The following HSPH1 variants were observed in gnomAD, a reference collection of about 807,000 sequenced individuals.
The protein encoded by HSPH1 is heat shock protein 105 kDa.
In HSPH1, 40 loss-of-function variants were observed where a neutral mutation model predicts 100.0. That is an observed-to-expected ratio of 0.40 (90% CI 0.31 to 0.52). The LOEUF is 0.52. Among genes scored for constraint, HSPH1 ranks in the 20% least tolerant of loss-of-function variants. HSPH1 has a pLI of 0.54. For synonymous variants in HSPH1, 403 were observed against 344.0 expected (o/e 1.17, Z -1.90); for missense variants, 876 against 1,015.1 (o/e 0.86, Z 1.86).
chr13:31,154,839 T>G, intron 3 of HSPH1, 84 bp from the exon 4 acceptor site: 3 of 1,114,688 alleles, frequency 2.7e-6, no homozygotes, highest in Non-Finnish European at 3.9e-6. Flanking sequence ...TTAGCACACA[T>G]TCCCTTCCAC....
At position 31,161,556 on chromosome 13, in the gene HSPH1, G is replaced by T; in HGVS notation, c.27C>A (p.Gly9=). The T allele has an allele frequency of 1.2e-6, 2 of 1,613,746 alleles. No individual in the cohort carries two copies. Among genetic ancestry groups the T allele is most frequent in the Non-Finnish European group, 8.5e-7 (1 of 1,179,900 alleles). Residue 9 remains glycine, a synonymous_variant, in exon 1 of 18, where the codon GGC becomes GGA. Transcript: ENST00000320027. The part of the protein sequence containing the change: MSVVGLDV[G]SQSCYIAVAR... ...CTACCGCGATGTAGCAGCTCTGCGA[G>T]CCCACGTCCAACCCCACCACCGACA...
chr13:31,143,729 G>A (rs1489183110), intron 12 of HSPH1, 63 bp downstream of exon 12: 2 of 1,356,144 alleles, frequency 1.5e-6, no homozygotes, highest in Non-Finnish European at 2.0e-6. Flanking sequence ...GCAATTTAAT[G>A]ATATCATTAA....
At chr13:31,156,907 A>C (rs1386778121) in intron 2 of HSPH1, among the ~76,000 whole-genome samples, 1 of 152,152 alleles carries the variant, frequency 6.6e-6, no homozygotes, top group African/African-American at 2.4e-5. Context: ...TTTTAGGTAA[A>C]CTCTAGATTG....
At chr13:31,156,455 T>C (rs1012874335) in intron 2 of HSPH1, among the ~76,000 whole-genome samples, 10 of 152,114 alleles carry the variant, frequency 6.6e-5, no homozygotes, top group African/African-American at 1.4e-4. Context: ...TCCCAGCTAA[T>C]TGAGAGGCTG....
At chr13:31,149,031 T>C (rs773813776) in intron 8 of HSPH1, among the ~76,000 whole-genome samples, 63 of 152,176 alleles carry the variant, frequency 4.1e-4, no homozygotes, top group Admixed American at 1.6e-3. Context: ...TTAAGCTAAA[T>C]AGACCAAAAA....
rs756130512 is a variant in HSPH1 at position 31,137,065 on chromosome 13, A to T, written c.*253T>A. The stretch of plus-strand genomic sequence containing the variant: ...AAGTCAGTTTCATCCTCAGTGATGC[A>T]AATGGTGAGACTGCACAGAAAGCTT... On this transcript the variant is annotated 3_prime_UTR_variant, in exon 18 of 18. Transcript: ENST00000320027. 5.2e-5 allele frequency: 33 copies of T among 634,410 alleles called. No homozygotes were observed. Among genetic ancestry groups the T allele is most frequent in the South Asian group, 4.9e-4 (32 of 65,622 alleles). The allele number at this position is 634,410 out of a possible 1,614,324, so 39.3% of individuals were successfully genotyped here. A position where few individuals can be genotyped will look rare whatever the true frequency, so the allele number is the denominator to read the frequency against.
At chr13:31,156,215 C>G (rs1956684970) in intron 2 of HSPH1, among the ~76,000 whole-genome samples, 1 of 152,096 alleles carries the variant, frequency 6.6e-6, no homozygotes, top group Non-Finnish European at 1.5e-5. Flanking sequence ...ACGGTGAAAC[C>G]CCGTCTCTAC....
intron 13 of HSPH1, 193 bp downstream of exon 13, chr13:31,140,929 T>A (rs1184342266): frequency 7.4e-6 from 3 of 402,796 alleles, no homozygotes; most frequent in African/African-American, 6.2e-5. Flanking sequence ...TCATGTTATA[T>A]CAAGCAGAAA....
chr13:31,157,306 T>C (rs564324067), intron 2 of HSPH1, among the ~76,000 whole-genome samples: 5 of 152,340 alleles, frequency 3.3e-5, no homozygotes, highest in African/African-American at 1.2e-4. Context: ...TTGTTACAAC[T>C]AAAGTCCCAC....
chr13:31,151,122 A>G lies in HSPH1; in HGVS notation c.733T>C (p.Cys245Arg). 1 of 1,613,644 alleles carries G rather than the reference A, an allele frequency of 6.2e-7. No individual in the cohort carries two copies. Among genetic ancestry groups the G allele is most frequent in the South Asian group, 1.1e-5 (1 of 91,070 alleles). The change falls in exon 7 of 18, where the codon TGT (cysteine) becomes CGT (arginine). Residue 245 changes from cysteine (C) to arginine (R), a missense_variant. Physicochemically the swap from Cys to Arg is radical, Grantham distance 180. Transcript: ENST00000320027. ...TTGTACTTAGTTTTAAATTCTGCAC[A>G]AAAATGTTCCACTAACTTTTCATCG... ...NFDEKLVEHF[C>R]AEFKTKYKLD...
In HSPH1 at chr13:31,135,748, T is replaced by A. The variant is rs1955867609; in HGVS notation, c.*1570A>T. ...GAAATAAACCTCAGCAGTCAAGTGT[T>A]ACTAAACCTCATAGTTTGAAGATAT... On this transcript the variant is annotated 3_prime_UTR_variant, in exon 18 of 18. Transcript: ENST00000320027. 6.6e-6 allele frequency: 1 copy of A among 152,218 alleles called. No individual in the cohort carries two copies. The highest frequency in any genetic ancestry group is 2.4e-5 in the African/African-American group (1 of 41,458). The allele number at this position is 152,218 out of a possible 1,614,324, so 9.4% of individuals were successfully genotyped here.
At chr13:31,160,442 T>A (rs569425721) in intron 1 of HSPH1, among the ~76,000 whole-genome samples, 2 of 152,202 alleles carry the variant, frequency 1.3e-5, no homozygotes, top group South Asian at 4.1e-4. Flanking sequence ...TACCTTTAGG[T>A]TCAATGTTTT....
chr13:31,148,509 A>C, intron 8 of HSPH1, 29 bp from the exon 9 acceptor site: 1 of 909,616 alleles, frequency 1.1e-6, no homozygotes, highest in East Asian at 3.0e-5. Context: ...AATCATGAGC[A>C]CATGAACACT....
intron 2 of HSPH1, among the ~76,000 whole-genome samples, 168 bp from the exon 3 acceptor site, chr13:31,155,822 T>G (rs1956666960): frequency 6.6e-6 from 1 of 152,184 alleles, no homozygotes; most frequent in Non-Finnish European, 1.5e-5. Context: ...TGAACAGATT[T>G]TATTTATACT....
intron 2 of HSPH1, among the ~76,000 whole-genome samples, chr13:31,158,506 G>A (rs182931640): frequency 1.6e-3 from 227 of 139,568 alleles, no homozygotes; most frequent in African/African-American, 6.0e-3. Flanking sequence ...CCGAGATCGC[G>A]CCACTGCACT....
chr13:31,151,814 C>T, intron 5 of HSPH1, 72 bp from the exon 6 acceptor site: 5 of 1,329,800 alleles, frequency 3.8e-6, no homozygotes, highest in Non-Finnish European at 5.2e-6. Flanking sequence ...CATAAAATTA[C>T]ACATGCAGGA....
intron 14 of HSPH1, 88 bp downstream of exon 14, chr13:31,140,092 AATTG>A: frequency 8.1e-7 from 1 of 1,236,230 alleles, no homozygotes; most frequent in Non-Finnish European, 1.1e-6. Context: ...TAAGTTACAT[AATTG>A]AGTAAAAGCT....
chr13:31,135,977 G>T lies in HSPH1; in HGVS notation c.*1341C>A, dbSNP rs183507778. The T allele has an allele frequency of 6.1e-3, 919 of 151,026 alleles. 7 individuals carry two copies. Among genetic ancestry groups the T allele is most frequent in the Non-Finnish European group, 9.7e-3 (659 of 67,812 alleles). 9.4% of individuals were successfully genotyped at this position (151,026 alleles called of 1,614,324 possible). On this transcript the variant is annotated 3_prime_UTR_variant, in exon 18 of 18. Transcript: ENST00000320027. ...TTGCTTGAGCCCAGGAGTTCAAGACGAACTTGGGCAACATAGCGAAACCCC... is the reference window on the plus strand; with the variant it reads ...TTGCTTGAGCCCAGGAGTTCAAGACTAACTTGGGCAACATAGCGAAACCCC...
rs577354676 is a variant in HSPH1 at position 31,150,374 on chromosome 13, G to C, written c.909-192C>G. 4.6e-5 allele frequency among the ~76,000 whole-genome samples: 7 copies of C among 152,256 alleles called. No individual in the cohort carries two copies. In the East Asian group the frequency reaches 1.2e-3, roughly 25 times the overall value. On this transcript the variant is annotated intron_variant, in intron 7 of 17. Transcript: ENST00000320027. ...CAAACAGGTGCAGAAAGATGATGCG[G>C]AAGACAGTTCTCCTGGTATTACTCA... is the stretch of plus-strand genomic sequence containing the variant.
Sources: gnomAD v4.1 joint callset for allele counts (sites outside exome capture counted in the v4.1 genomes callset) on GRCh38, gnomAD v4.1.1 for gene constraint, MANE v1.5 for transcripts, NCBI Gene and HGNC (gene_info 2026-07-23, HGNC 2026-07-21) for gene names.